Variants in DTNB observed in about 807,000 individuals in gnomAD.
The protein encoded by DTNB is dystrobrevin beta, also known as DTN-B.
In DTNB, 63 loss-of-function variants were observed where a neutral mutation model predicts 90.7. The ratio of observed to expected loss-of-function variants is 0.69; its 90% CI spans 0.57 to 0.86. DTNB has a LOEUF of 0.86. Among genes scored for constraint, DTNB ranks in the 40% least tolerant of loss-of-function variants. The pLI, the probability that DTNB is intolerant of heterozygous loss-of-function variation, is 0.00. For missense variants in DTNB, 744 were observed against 807.1 expected (o/e 0.92, Z 0.95); for synonymous variants, 277 against 286.7 (o/e 0.97, Z 0.34).
intron 2 of DTNB, among the ~76,000 whole-genome samples, chr2:25,641,724 C>A (rs1482934174): frequency 6.6e-6 from 1 of 152,216 alleles, no homozygotes; most frequent in African/African-American, 2.4e-5. Context: ...AAAAATGCAA[C>A]CTCAGATGAG....
intron 8 of DTNB, among the ~76,000 whole-genome samples, chr2:25,559,693 G>A (rs951964351): frequency 4.6e-5 from 7 of 152,206 alleles, no homozygotes; most frequent in Non-Finnish European, 1.0e-4. Context: ...TGGCAGAAGA[G>A]TGAATATTAC....
intron 20 of DTNB, among the ~76,000 whole-genome samples, chr2:25,378,068 G>A: frequency 6.6e-6 from 1 of 152,190 alleles, no homozygotes; most frequent in East Asian, 1.9e-4. Context: ...GTGGGGCATT[G>A]GTTTCCTCCA....
intron 7 of DTNB, among the ~76,000 whole-genome samples, chr2:25,577,434 C>T: frequency 6.6e-6 from 1 of 151,388 alleles, no homozygotes. Flanking sequence ...AAGATTCTGT[C>T]TCAAAAACAA....
In DTNB at chr2:25,405,608, G is replaced by GT. The variant is rs941531346; in HGVS notation, c.1575+13906dup. Among the ~76,000 whole-genome samples, 326 of 145,954 alleles carry GT rather than the reference G, an allele frequency of 2.2e-3. 1 individual carries two copies. Among genetic ancestry groups the GT allele is most frequent in the African/African-American group, 7.0e-3 (278 of 39,848 alleles). On this transcript the variant is annotated intron_variant, in intron 16 of 20. Transcript: ENST00000406818. ...CAGTTTTGCTTTTTGTTTTGTTGTT[G>GT]TTTTTTTTTTCAACAGACCATGAGC...
intron 4 of DTNB, among the ~76,000 whole-genome samples, chr2:25,627,872 G>T (rs1434180198): frequency 6.6e-6 from 1 of 151,718 alleles, no homozygotes. Flanking sequence ...AAGTAGCTGA[G>T]ACTACAGGCG....
At chr2:25,492,327 C>G (rs1329732093) in intron 9 of DTNB, among the ~76,000 whole-genome samples, 1 of 152,052 alleles carries the variant, frequency 6.6e-6, no homozygotes, top group Non-Finnish European at 1.5e-5. Context: ...TAATCTCAGC[C>G]TAGCAAAATA....
At chr2:25,439,178 A>G (rs1211235958) in intron 12 of DTNB, among the ~76,000 whole-genome samples, 2 of 152,172 alleles carry the variant, frequency 1.3e-5, no homozygotes, top group Non-Finnish European at 2.9e-5. Flanking sequence ...ACTAATTGCA[A>G]TGAATGTACC....
chr2:25,614,474 T>C (rs1377499223), intron 4 of DTNB, among the ~76,000 whole-genome samples: 1 of 152,186 alleles, frequency 6.6e-6, no homozygotes, highest in Non-Finnish European at 1.5e-5. Context: ...CATTGCAGAA[T>C]GTAAGGTCAA....
chr2:25,535,766 G>A (rs1558929699), intron 8 of DTNB, among the ~76,000 whole-genome samples: 1 of 141,286 alleles, frequency 7.1e-6, no homozygotes, highest in Non-Finnish European at 1.5e-5. Context: ...CCAGACGGGG[G>A]TGGCCAGGCA....
intron 5 of DTNB, among the ~76,000 whole-genome samples, chr2:25,603,460 T>C (rs1385637614): frequency 6.6e-6 from 1 of 152,184 alleles, no homozygotes. Flanking sequence ...TCTCTGTAAA[T>C]GAATGCTACC....
chr2:25,649,027 C>T (rs1006445218), intron 2 of DTNB, among the ~76,000 whole-genome samples: 2 of 99,206 alleles, frequency 2.0e-5, no homozygotes, highest in South Asian at 3.5e-4. Flanking sequence ...TTTTTTGAGA[C>T]GGAGTCTCGC....
At chr2:25,632,092 G>A (rs2075876072) in intron 3 of DTNB, among the ~76,000 whole-genome samples, 1 of 150,366 alleles carries the variant, frequency 6.7e-6, no homozygotes, top group African/African-American at 2.4e-5. Flanking sequence ...CTACTCGGGA[G>A]GCCAAGACAG....
intron 8 of DTNB, among the ~76,000 whole-genome samples, chr2:25,562,358 T>C (rs999549253): frequency 1.1e-4 from 16 of 152,268 alleles, no homozygotes; most frequent in Non-Finnish European, 8.8e-5. Context: ...ATTTCCACTT[T>C]TTAGCTCTTT....
intron 9 of DTNB, among the ~76,000 whole-genome samples, chr2:25,513,538 T>A (rs2074371431): frequency 6.6e-6 from 1 of 151,980 alleles, no homozygotes; most frequent in Non-Finnish European, 1.5e-5. Context: ...CCGGCCAACA[T>A]GGTGAAACCC....
chr2:25,615,358 G>A (rs1258952919), intron 4 of DTNB, among the ~76,000 whole-genome samples: 1 of 152,080 alleles, frequency 6.6e-6, no homozygotes, highest in Non-Finnish European at 1.5e-5. Flanking sequence ...TTGGCCACTG[G>A]TGATCTGCCT....
chr2:25,422,689 C>A (rs955138465), intron 15 of DTNB, among the ~76,000 whole-genome samples: 7 of 152,092 alleles, frequency 4.6e-5, no homozygotes, highest in South Asian at 2.1e-4. Flanking sequence ...TGAGCCACCA[C>A]GCCTGGCCTG....
intron 20 of DTNB, among the ~76,000 whole-genome samples, chr2:25,378,111 G>A (rs2036379962): frequency 2.0e-5 from 3 of 152,160 alleles, no homozygotes; most frequent in South Asian, 4.1e-4. Flanking sequence ...ACATGGCTCT[G>A]CCACGTTCCC....
intron 9 of DTNB, among the ~76,000 whole-genome samples, chr2:25,529,863 G>A (rs749416927): frequency 3.3e-5 from 5 of 152,090 alleles, no homozygotes; most frequent in Admixed American, 6.5e-5. Context: ...TATGGTTATC[G>A]AAGAGAATAG....
chr2:25,493,134 C>A (rs755256232), intron 9 of DTNB, among the ~76,000 whole-genome samples: 1 of 152,278 alleles, frequency 6.6e-6, no homozygotes, highest in East Asian at 1.9e-4. Flanking sequence ...ATTTGGGAAT[C>A]TTGAGCAGAT....
Sources: gnomAD v4.1 joint callset for allele counts (sites outside exome capture counted in the v4.1 genomes callset) on GRCh38, gnomAD v4.1.1 for gene constraint, MANE v1.5 for transcripts, NCBI Gene and HGNC (gene_info 2026-07-23, HGNC 2026-07-21) for gene names.